The following FMN2 variants were observed in gnomAD, a reference collection of about 807,000 sequenced individuals.
FMN2 encodes formin 2, also known as formin-2.
A neutral mutation model predicts 142.3 loss-of-function variants in FMN2; 51 were observed. The observed-to-expected ratio is 0.36, with a 90% CI of 0.29 to 0.45. The LOEUF (loss-of-function observed/expected upper bound fraction) is 0.45. Among genes scored for constraint, FMN2 ranks in the 20% least tolerant of loss-of-function variants. The pLI is 1.00. For synonymous variants in FMN2, 882 were observed against 869.8 expected (o/e 1.01, Z -0.25); for missense variants, 1,936 against 2,122.8 (o/e 0.91, Z 1.73).
chr1:240,314,698 AC>A (rs1670711463), intron 8 of FMN2, among the ~76,000 whole-genome samples: 1 of 151,716 alleles, frequency 6.6e-6, no homozygotes, highest in African/African-American at 2.4e-5. Flanking sequence ...GATAATGGAA[AC>A]CCTTGTTTGC....
At chr1:240,124,080 A>T (rs1662402644) in intron 2 of FMN2, among the ~76,000 whole-genome samples, 1 of 152,212 alleles carries the variant, frequency 6.6e-6, no homozygotes, top group Non-Finnish European at 1.5e-5. Context: ...CCATCAATGG[A>T]CATGTGGGTT....
At chr1:240,145,373 A>G (rs1024231493) in intron 2 of FMN2, 2 of 571,040 alleles carry the variant, frequency 3.5e-6, no homozygotes, top group South Asian at 5.7e-5. Flanking sequence ...TCCCTCCTCC[A>G]TCTCCGCTGC....
chr1:240,447,424 G>A (rs1251580812), intron 16 of FMN2, among the ~76,000 whole-genome samples: 1 of 152,146 alleles, frequency 6.6e-6, no homozygotes, highest in Non-Finnish European at 1.5e-5. Context: ...AGAATGGCCA[G>A]TAAACACATG....
At chr1:240,105,646 A>T (rs1028736522) in intron 1 of FMN2, among the ~76,000 whole-genome samples, 4 of 152,114 alleles carry the variant, frequency 2.6e-5, no homozygotes, top group Admixed American at 2.6e-4. Context: ...TTGCTGAACT[A>T]TTTCCTGATG....
chr1:240,204,182 TTG>T (rs1329468929), intron 4 of FMN2, among the ~76,000 whole-genome samples: 3 of 152,154 alleles, frequency 2.0e-5, no homozygotes, highest in African/African-American at 2.4e-5. Flanking sequence ...TTTGTAGGGG[TTG>T]TGTTTCTAAA....
intron 4 of FMN2, among the ~76,000 whole-genome samples, chr1:240,192,748 G>C (rs372652840): frequency 6.6e-6 from 1 of 152,086 alleles, no homozygotes; most frequent in African/African-American, 2.4e-5. Context: ...AGGAAGGGAA[G>C]AGAAGACAGG....
chr1:240,123,508 A>C (rs912124769), intron 2 of FMN2, among the ~76,000 whole-genome samples, 163 bp downstream of exon 2: 24 of 148,852 alleles, frequency 1.6e-4, no homozygotes, highest in African/African-American at 1.7e-4. Context: ...TTGTACACAA[A>C]AAAAAAAAAA....
chr1:240,368,120 T>A (rs1672745316), intron 14 of FMN2, among the ~76,000 whole-genome samples: 1 of 152,208 alleles, frequency 6.6e-6, no homozygotes, highest in African/African-American at 2.4e-5. Flanking sequence ...TAACAAAACC[T>A]GTTACTATTC....
At chr1:240,451,609 C>T (rs976903205) in intron 16 of FMN2, among the ~76,000 whole-genome samples, 3 of 152,064 alleles carry the variant, frequency 2.0e-5, no homozygotes, top group Non-Finnish European at 4.4e-5. Context: ...CCAACAGGGG[C>T]CTCATCCCCT....
intron 7 of FMN2, among the ~76,000 whole-genome samples, chr1:240,277,492 G>T (rs1669255266): frequency 2.4e-5 from 3 of 127,472 alleles, no homozygotes; most frequent in Admixed American, 8.0e-5. Flanking sequence ...TGAAGATTAT[G>T]CCTTACCCAA....
At chr1:240,279,345 G>A (rs923657360) in intron 7 of FMN2, among the ~76,000 whole-genome samples, 1 of 152,144 alleles carries the variant, frequency 6.6e-6, no homozygotes, top group Non-Finnish European at 1.5e-5. Context: ...CCTCATTTCT[G>A]CAGTTGCAGA....
intron 15 of FMN2, among the ~76,000 whole-genome samples, chr1:240,434,953 A>G (rs1431510147): frequency 3.3e-5 from 5 of 152,056 alleles, no homozygotes; most frequent in African/African-American, 7.2e-5. Context: ...TGGACACTCT[A>G]CGTCACATAC....
chr1:240,102,354 A>G (rs927861297), intron 1 of FMN2, among the ~76,000 whole-genome samples: 1 of 152,214 alleles, frequency 6.6e-6, no homozygotes, highest in Non-Finnish European at 1.5e-5. Flanking sequence ...AGAGTTTTGT[A>G]AGGATGCTCT....
At chr1:240,316,328 C>T (rs2102993853) in intron 8 of FMN2, among the ~76,000 whole-genome samples, 1 of 152,244 alleles carries the variant, frequency 6.6e-6, no homozygotes, top group Middle Eastern at 3.4e-3. Context: ...CAATAATATG[C>T]TGCAGAGAAG....
chr1:240,308,494 C>T (rs932438465), intron 8 of FMN2, among the ~76,000 whole-genome samples: 1 of 152,066 alleles, frequency 6.6e-6, no homozygotes, highest in Non-Finnish European at 1.5e-5. Context: ...TGTTTAGTTT[C>T]GTGTCTAGTG....
At chr1:240,167,292 T>C (rs1363130797) in intron 2 of FMN2, among the ~76,000 whole-genome samples, 1 of 152,116 alleles carries the variant, frequency 6.6e-6, no homozygotes, top group African/African-American at 2.4e-5. Context: ...ATTTTTATTT[T>C]ATTTTGGGTG....
In FMN2 at chr1:240,412,185, G is replaced by C. The variant is rs181544065; in HGVS notation, c.4910+19623G>C. On this transcript the variant is annotated intron_variant, in intron 15 of 17. Coordinates refer to ENST00000319653, the MANE Select transcript of FMN2 (RefSeq NM_020066.5). ...ATTACAGAGGTCTAGGTAAACAAGG[G>C]TAGCAGAAAAGCTCAAGAATAATTA... 3.9e-4 allele frequency among the ~76,000 whole-genome samples: 60 copies of C among 152,270 alleles called. 2 individuals carry two copies. The highest frequency in any genetic ancestry group is 3.5e-3 in the Admixed American group (54 of 15,288).
At chr1:240,377,195 A>G (rs1228576830) in intron 14 of FMN2, among the ~76,000 whole-genome samples, 2 of 152,018 alleles carry the variant, frequency 1.3e-5, no homozygotes, top group East Asian at 1.9e-4. Context: ...CTTCCTTAAC[A>G]TTTCTCATTA....
chr1:240,294,613 G>A (rs552793706), intron 7 of FMN2, among the ~76,000 whole-genome samples: 1 of 152,196 alleles, frequency 6.6e-6, no homozygotes, highest in African/African-American at 2.4e-5. Flanking sequence ...ATGGGATTTA[G>A]TATTTGCGGA....
Sources: gnomAD v4.1 joint callset for allele counts (sites outside exome capture counted in the v4.1 genomes callset) on GRCh38, gnomAD v4.1.1 for gene constraint, MANE v1.5 for transcripts, NCBI Gene and HGNC (gene_info 2026-07-23, HGNC 2026-07-21) for gene names.